Variants in VPS35L observed in about 807,000 individuals in gnomAD.
The protein encoded by VPS35L is VPS35 endosomal protein sorting factor like.
VPS35L carries 83 observed loss-of-function variants against 133.0 expected under a neutral mutation model. That is an observed-to-expected ratio of 0.62 (90% CI 0.52 to 0.75). VPS35L has a LOEUF of 0.75. Among genes scored for constraint, VPS35L ranks in the 30% least tolerant of loss-of-function variants. The pLI is 0.00. For missense variants in VPS35L, 1,083 were observed against 1,206.8 expected, an observed-to-expected ratio of 0.90 and a Z score of 1.52; for synonymous variants, 423 against 449.9, an observed-to-expected ratio of 0.94 and a Z score of 0.76.
chr16:19,598,524 C>A (rs1376681573), intron 8 of VPS35L, among the ~76,000 whole-genome samples: 1 of 152,156 alleles, frequency 6.6e-6, no homozygotes, highest in East Asian at 1.9e-4. Context: ...TGGCTCATAT[C>A]TGTAATCCCA....
At chr16:19,668,834 A>C (rs188895591) in intron 26 of VPS35L, among the ~76,000 whole-genome samples, 1 of 152,214 alleles carries the variant, frequency 6.6e-6, no homozygotes, top group East Asian at 1.9e-4. Flanking sequence ...ACTGGTAGAC[A>C]TGAGAATTCA....
intron 14 of VPS35L, among the ~76,000 whole-genome samples, chr16:19,622,448 T>C (rs1176744781): frequency 2.6e-5 from 4 of 152,022 alleles, no homozygotes; most frequent in African/African-American, 9.7e-5. Flanking sequence ...GGCCCCCACG[T>C]ATATCAAAAT....
chr16:19,691,496 C>T, intron 29 of VPS35L, 25 bp downstream of exon 29: 1 of 1,567,840 alleles, frequency 6.4e-7, no homozygotes, highest in Non-Finnish European at 8.8e-7. Context: ...CTGTCCTCCA[C>T]CCGCCCCTTG....
chr16:19,611,275 C>T (rs1364434292), intron 12 of VPS35L, among the ~76,000 whole-genome samples: 1 of 152,216 alleles, frequency 6.6e-6, no homozygotes, highest in Non-Finnish European at 1.5e-5. Context: ...GCTGGGATTA[C>T]AGGCGTGAGC....
chr16:19,641,286 C>T (rs1412156833), intron 21 of VPS35L, among the ~76,000 whole-genome samples: 3 of 151,748 alleles, frequency 2.0e-5, no homozygotes, highest in East Asian at 1.9e-4. Flanking sequence ...AGGCTGGTCT[C>T]GAGCTCCTGG....
intron 4 of VPS35L, among the ~76,000 whole-genome samples, chr16:19,574,322 G>A (rs796318846): frequency 8.5e-5 from 13 of 152,220 alleles, no homozygotes; most frequent in African/African-American, 2.4e-4. Context: ...AGAAAGATGC[G>A]CCCCCTCCCA....
intron 14 of VPS35L, among the ~76,000 whole-genome samples, chr16:19,623,036 C>T (rs1973134188): frequency 6.6e-6 from 1 of 152,120 alleles, no homozygotes; most frequent in Non-Finnish European, 1.5e-5. Context: ...CGACAGCATC[C>T]AGGGAATCTT....
chr16:19,575,964 TG>T (rs1458722375), intron 5 of VPS35L, among the ~76,000 whole-genome samples: 1 of 141,066 alleles, frequency 7.1e-6, no homozygotes, highest in Non-Finnish European at 1.5e-5. Context: ...GAGACCAGCC[TG>T]GCCAACAATG....
chr16:19,664,967 A>C (rs761123370), intron 26 of VPS35L, among the ~76,000 whole-genome samples: 57 of 151,848 alleles, frequency 3.8e-4, no homozygotes, highest in Admixed American at 9.9e-4. Context: ...AAGGAAGCCT[A>C]GTCCGTGTAC....
intron 26 of VPS35L, among the ~76,000 whole-genome samples, chr16:19,662,018 G>C (rs117143742): frequency 2.3e-4 from 35 of 150,582 alleles, no homozygotes; most frequent in Non-Finnish European, 4.9e-4. Context: ...GTGAGACCCA[G>C]TCTGTACAAA....
Position 19,682,405 on chromosome 16 carries a change from C to A in VPS35L, c.2527+15C>A. 1 of 1,611,362 alleles carries A rather than the reference C, an allele frequency of 6.2e-7. No homozygotes were observed. The highest frequency in any genetic ancestry group is 8.5e-7 in the Non-Finnish European group (1 of 1,178,122). ...CATAGACAAAGGTAGCAGAGCCTCC[C>A]CCACCAAACCATGCTCCGCATGGAT... On this transcript the variant is annotated intron_variant, in intron 28 of 30. Transcript: ENST00000417362.
rs770850561 is a variant in VPS35L, at chr16:19,650,400, A to G, written c.2047A>G (p.Met683Val). 1.6e-5 allele frequency: 26 copies of G among 1,613,148 alleles called. No homozygotes were observed. The highest frequency in any genetic ancestry group is 1.4e-4 in the South Asian group (13 of 91,064). Residue 683 changes from methionine (M) to valine (V), a missense_variant, in exon 25 of 31, where the codon ATG (methionine) becomes GTG (valine). Transcript: ENST00000417362. ...AATTCAGAGTGTGAACCGGTTGGCA[A>G]TGGAGACAAGAAAAGTAATGAAAGG... ...QLIHSVNRLAMETRKVMKGNH... is the reference protein window; with the variant it reads ...QLIHSVNRLAVETRKVMKGNH...
intron 29 of VPS35L, among the ~76,000 whole-genome samples, chr16:19,693,068 C>T (rs1975754970): frequency 6.6e-6 from 1 of 152,188 alleles, no homozygotes; most frequent in Non-Finnish European, 1.5e-5. Context: ...GGGTATGTGA[C>T]TGTGTCCTAC....
intron 26 of VPS35L, among the ~76,000 whole-genome samples, chr16:19,661,045 A>G (rs1489639407): frequency 7.2e-6 from 1 of 138,768 alleles, no homozygotes; most frequent in African/African-American, 2.8e-5. Flanking sequence ...TTTCTCCTTC[A>G]CTCTCCATTT....
intron 6 of VPS35L, among the ~76,000 whole-genome samples, 196 bp from the exon 7 acceptor site, chr16:19,581,329 G>A (rs563066461): frequency 1.6e-4 from 24 of 152,214 alleles, no homozygotes; most frequent in African/African-American, 4.3e-4. Flanking sequence ...TCAACCCACA[G>A]CACTCTGTCC....
intron 6 of VPS35L, among the ~76,000 whole-genome samples, chr16:19,581,159 T>G (rs1567397914): frequency 6.6e-6 from 1 of 152,156 alleles, no homozygotes; most frequent in Non-Finnish European, 1.5e-5. Context: ...TCCCATGTCC[T>G]GCACACAGGG....
chr16:19,651,102 G>A (rs558335179), intron 25 of VPS35L, among the ~76,000 whole-genome samples: 2 of 151,988 alleles, frequency 1.3e-5, no homozygotes, highest in African/African-American at 4.8e-5. Context: ...GGCTGGTTTC[G>A]AACTCCTGTC....
chr16:19,605,770 G>A (rs1380115452), intron 9 of VPS35L, among the ~76,000 whole-genome samples: 1 of 152,054 alleles, frequency 6.6e-6, no homozygotes, highest in African/African-American at 2.4e-5. Flanking sequence ...CCAATACCTA[G>A]TTTAGTATCT....
intron 8 of VPS35L, among the ~76,000 whole-genome samples, chr16:19,595,412 T>C (rs1972181053): frequency 1.3e-5 from 2 of 152,108 alleles, no homozygotes; most frequent in Admixed American, 1.3e-4. Flanking sequence ...CCTTGACGTG[T>C]CCATGCACAC....
Sources: gnomAD v4.1 joint callset for allele counts (sites outside exome capture counted in the v4.1 genomes callset) on GRCh38, gnomAD v4.1.1 for gene constraint, MANE v1.5 for transcripts, NCBI Gene and HGNC (gene_info 2026-07-23, HGNC 2026-07-21) for gene names.